Variants in CTNND2 observed in about 807,000 individuals in gnomAD.
CTNND2 encodes the protein catenin delta 2.
In CTNND2, 22 loss-of-function variants were observed where a neutral mutation model predicts 144.4. The observed-to-expected ratio is 0.15, with a 90% CI of 0.11 to 0.22. CTNND2 has a LOEUF of 0.22. CTNND2 is among the 10% of genes least tolerant of loss of function. The pLI is 1.00. For synonymous variants in CTNND2, 751 were observed against 695.6 expected, an observed-to-expected ratio of 1.08 and a Z score of -1.25; for missense variants, 1,353 against 1,618.8, an observed-to-expected ratio of 0.84 and a Z score of 2.82.
At chr5:11,077,093 C>G (rs754494325) in intron 16 of CTNND2, among the ~76,000 whole-genome samples, 1 of 151,852 alleles carries the variant, frequency 6.6e-6, no homozygotes, top group African/African-American at 2.4e-5. Context: ...TTTAAGATGA[C>G]GACAAGCAGG....
chr5:11,880,411 G>T, intron 1 of CTNND2, among the ~76,000 whole-genome samples: 1 of 151,668 alleles, frequency 6.6e-6, no homozygotes, highest in East Asian at 1.9e-4. Flanking sequence ...AATAAGTCAA[G>T]AAGAAGGCCT....
At chr5:11,022,153 C>A (rs905612733) in intron 17 of CTNND2, among the ~76,000 whole-genome samples, 2 of 152,156 alleles carry the variant, frequency 1.3e-5, no homozygotes, top group African/African-American at 2.4e-5. Flanking sequence ...TCTGCACTGC[C>A]TGGGAAATTT....
intron 16 of CTNND2, among the ~76,000 whole-genome samples, chr5:11,055,842 G>A (rs1412002360): frequency 6.6e-6 from 1 of 152,188 alleles, no homozygotes; most frequent in African/African-American, 2.4e-5. Context: ...CCTTGTGGAT[G>A]GCAGGTACTG....
intron 3 of CTNND2, among the ~76,000 whole-genome samples, chr5:11,552,837 T>C (rs1039734446): frequency 1.3e-5 from 2 of 152,230 alleles, no homozygotes; most frequent in Non-Finnish European, 2.9e-5. Context: ...TGTTATTTTG[T>C]TGGCTAAAAT....
chr5:11,869,702 TA>T (rs1355992292), intron 1 of CTNND2, among the ~76,000 whole-genome samples: 1 of 152,230 alleles, frequency 6.6e-6, no homozygotes, highest in East Asian at 1.9e-4. Flanking sequence ...CTTCTATACT[TA>T]AAAACGGCTA....
chr5:11,892,353 A>G (rs1055368429), intron 1 of CTNND2, among the ~76,000 whole-genome samples: 1 of 152,170 alleles, frequency 6.6e-6, no homozygotes, highest in Non-Finnish European at 1.5e-5. Context: ...ATTTCTCCAA[A>G]TGACCATAAA....
chr5:11,063,965 C>T (rs1331931326), intron 16 of CTNND2, among the ~76,000 whole-genome samples: 2 of 152,070 alleles, frequency 1.3e-5, no homozygotes, highest in African/African-American at 4.8e-5. Context: ...GTGGTCAGGC[C>T]ATGCTGGGGA....
chr5:11,372,526 A>G (rs1428505114), intron 7 of CTNND2, among the ~76,000 whole-genome samples: 1 of 152,142 alleles, frequency 6.6e-6, no homozygotes. Context: ...GCACGGCTTC[A>G]ACTTAACAAA....
At chr5:11,489,084 T>G (rs1769126348) in intron 3 of CTNND2, among the ~76,000 whole-genome samples, 1 of 152,232 alleles carries the variant, frequency 6.6e-6, no homozygotes, top group Non-Finnish European at 1.5e-5. Flanking sequence ...AGAAGTTGGA[T>G]TCTGGGTCAC....
At chr5:11,356,131 C>A (rs1755846991) in intron 8 of CTNND2, among the ~76,000 whole-genome samples, 2 of 151,964 alleles carry the variant, frequency 1.3e-5, no homozygotes, top group Non-Finnish European at 2.9e-5. Context: ...ACAAAGTGAT[C>A]TACAGATTTA....
chr5:11,163,365 A>G (rs537203438), intron 11 of CTNND2, among the ~76,000 whole-genome samples: 1 of 152,084 alleles, frequency 6.6e-6, no homozygotes, highest in African/African-American at 2.4e-5. Context: ...GGATTTTCCA[A>G]CCCCAACCAA....
chr5:11,047,021 A>G (rs1472592482), intron 16 of CTNND2, among the ~76,000 whole-genome samples: 1 of 152,096 alleles, frequency 6.6e-6, no homozygotes, highest in African/African-American at 2.4e-5. Flanking sequence ...ACAGAAAATA[A>G]AGTTTAAAAT....
chr5:11,265,115 G>A (rs575555189), intron 9 of CTNND2, among the ~76,000 whole-genome samples: 7 of 151,738 alleles, frequency 4.6e-5, no homozygotes, highest in African/African-American at 9.7e-5. Context: ...CAACAAGTTC[G>A]AAGCAAAACA....
chr5:11,607,507 C>T (rs772064458), intron 2 of CTNND2, among the ~76,000 whole-genome samples: 3 of 152,034 alleles, frequency 2.0e-5, no homozygotes, highest in Non-Finnish European at 2.9e-5. Context: ...AAACAGCAAA[C>T]ATTTATTTCT....
intron 1 of CTNND2, among the ~76,000 whole-genome samples, chr5:11,753,030 C>A (rs928190189): frequency 1.1e-4 from 16 of 151,782 alleles, no homozygotes; most frequent in Non-Finnish European, 1.5e-5. Context: ...ACTAATTTTA[C>A]ATTCTGAAAC....
chr5:11,622,719 T>C (rs1780913804), intron 2 of CTNND2, among the ~76,000 whole-genome samples: 1 of 152,106 alleles, frequency 6.6e-6, no homozygotes, highest in Non-Finnish European at 1.5e-5. Context: ...CATACAAACC[T>C]GGACCCTCAA....
At chr5:11,481,247 C>T (rs1768239474) in intron 3 of CTNND2, among the ~76,000 whole-genome samples, 1 of 152,082 alleles carries the variant, frequency 6.6e-6, no homozygotes, top group Non-Finnish European at 1.5e-5. Flanking sequence ...GATTGTTTTC[C>T]TGAATTTTGA....
At chr5:11,376,985 C>T (rs1348665598) in intron 7 of CTNND2, among the ~76,000 whole-genome samples, 1 of 152,096 alleles carries the variant, frequency 6.6e-6, no homozygotes, top group Non-Finnish European at 1.5e-5. Flanking sequence ...TATCACTCTA[C>T]TTTCTAGAAA....
In CTNND2 at chr5:11,387,380, C is replaced by T. The variant is rs138171741; in HGVS notation, c.613-2151G>A. Among the ~76,000 whole-genome samples, 556 of 152,150 alleles carry T rather than the reference C, an allele frequency of 3.7e-3. 11 individuals are homozygous for T. Among genetic ancestry groups the T allele is most frequent in the Non-Finnish European group, 2.2e-3 (151 of 68,008 alleles). On this transcript the variant is annotated intron_variant, in intron 6 of 21. Transcript: ENST00000304623. Reference sequence around the variant, plus strand: ...TGATTATGGTGCTGGTCAAAGTTTGCCAACACTGCTCCAGAAGACACTTGG... The same window carrying T: ...TGATTATGGTGCTGGTCAAAGTTTGTCAACACTGCTCCAGAAGACACTTGG...
Sources: gnomAD v4.1 joint callset for allele counts (sites outside exome capture counted in the v4.1 genomes callset) on GRCh38, gnomAD v4.1.1 for gene constraint, MANE v1.5 for transcripts, NCBI Gene and HGNC (gene_info 2026-07-23, HGNC 2026-07-21) for gene names.